The following OTUD7A variants were observed in gnomAD, a reference collection of about 807,000 sequenced individuals.
OTUD7A encodes OTU domain-containing protein 7A.
A neutral mutation model predicts 65.7 loss-of-function variants in OTUD7A; 12 were observed. That is an observed-to-expected ratio of 0.18 (90% CI 0.12 to 0.30). The LOEUF (loss-of-function observed/expected upper bound fraction) is 0.30. Ranked by LOEUF, OTUD7A falls within the 10% of genes least tolerant of loss-of-function variation. The pLI is 1.00. For missense variants in OTUD7A, 1,148 were observed against 1,304.8 expected (o/e 0.88, Z 1.85); for synonymous variants, 641 against 586.3 (o/e 1.09, Z -1.35).
chr15:31,853,305 C>T (rs1897477744), intron 1 of OTUD7A, among the ~76,000 whole-genome samples: 1 of 152,176 alleles, frequency 6.6e-6, no homozygotes, highest in African/African-American at 2.4e-5. Flanking sequence ...TTCTCAGCTT[C>T]GAGCAAACAA....
chr15:31,544,718 G>C (rs1888080806), intron 5 of OTUD7A, among the ~76,000 whole-genome samples: 1 of 151,818 alleles, frequency 6.6e-6, no homozygotes, highest in Non-Finnish European at 1.5e-5. Flanking sequence ...AACACACCCT[G>C]TTCAATAGCT....
At chr15:31,763,369 G>C (rs1895021488) in intron 1 of OTUD7A, among the ~76,000 whole-genome samples, 1 of 152,134 alleles carries the variant, frequency 6.6e-6, no homozygotes, top group Admixed American at 6.5e-5. Flanking sequence ...GGAAATTTTA[G>C]AGATGAAAAA....
chr15:31,823,136 C>T (rs1012308169), intron 1 of OTUD7A, among the ~76,000 whole-genome samples: 3 of 152,156 alleles, frequency 2.0e-5, no homozygotes, highest in African/African-American at 7.2e-5. Flanking sequence ...AGCTCTGCTC[C>T]TCGATGTCTC....
intron 3 of OTUD7A, among the ~76,000 whole-genome samples, chr15:31,646,498 T>C (rs1336815080): frequency 6.6e-6 from 1 of 151,424 alleles, no homozygotes; most frequent in Non-Finnish European, 1.5e-5. Flanking sequence ...TCTCACTCTG[T>C]TGCCCAGGCT....
intron 1 of OTUD7A, among the ~76,000 whole-genome samples, chr15:31,673,197 G>A (rs1892523605): frequency 1.3e-5 from 2 of 152,160 alleles, no homozygotes; most frequent in Admixed American, 1.3e-4. Context: ...ACTTATGATG[G>A]GGTAACCTCC....
chr15:31,480,805 AGTG>A lies in OTUD7A; in HGVS notation c.*2486_*2488del, dbSNP rs1473059890. ...GGCTATTCCTAAGTCATGTGGACTG[AGTG>A]GTAATGTATCAGCCTGGAGCAGGTG... On this transcript the variant is annotated 3_prime_UTR_variant, in exon 13 of 13. Coordinates refer to ENST00000307050, the MANE Select transcript of OTUD7A (RefSeq NM_001382637.1). The A allele has an allele frequency of 6.6e-6, 1 of 152,252 alleles. No individual in the cohort carries two copies. Among genetic ancestry groups the A allele is most frequent in the African/African-American group, 2.4e-5 (1 of 41,462 alleles). 9.4% of individuals were successfully genotyped at this position (152,252 alleles called of 1,614,324 possible).
chr15:31,860,718 T>TA (rs1216011574), intron 1 of OTUD7A, among the ~76,000 whole-genome samples: 2 of 141,270 alleles, frequency 1.4e-5, no homozygotes, highest in South Asian at 2.3e-4. Context: ...TATATATATA[T>TA]TTTTTGGGAC....
At chr15:31,540,565 A>G (rs1887955637) in intron 5 of OTUD7A, among the ~76,000 whole-genome samples, 2 of 152,210 alleles carry the variant, frequency 1.3e-5, no homozygotes, top group Non-Finnish European at 2.9e-5. Flanking sequence ...CAATTCTTAA[A>G]AATGGAGATA....
At chr15:31,652,434 A>C (rs185429788) in intron 3 of OTUD7A, among the ~76,000 whole-genome samples, 2 of 152,326 alleles carry the variant, frequency 1.3e-5, no homozygotes, top group African/African-American at 4.8e-5. Context: ...GAGTTATGCA[A>C]AATTTCTCAG....
intron 1 of OTUD7A, among the ~76,000 whole-genome samples, chr15:31,673,573 T>C (rs1892532320): frequency 6.6e-6 from 1 of 152,062 alleles, no homozygotes; most frequent in Non-Finnish European, 1.5e-5. Context: ...TTTATGTTTT[T>C]ATTCTTCAGG....
At chr15:31,574,586 A>G (rs904923367) in intron 3 of OTUD7A, among the ~76,000 whole-genome samples, 2 of 152,230 alleles carry the variant, frequency 1.3e-5, no homozygotes, top group African/African-American at 4.8e-5. Flanking sequence ...ATTCAGGCCA[A>G]AAAGCATTAA....
At chr15:31,760,226 G>A (rs1432995754) in intron 1 of OTUD7A, among the ~76,000 whole-genome samples, 1 of 152,076 alleles carries the variant, frequency 6.6e-6, no homozygotes, top group Non-Finnish European at 1.5e-5. Flanking sequence ...CCCTTTGGAT[G>A]CTACCCTCCT....
At chr15:31,596,498 T>A (rs1459273399) in intron 3 of OTUD7A, among the ~76,000 whole-genome samples, 1 of 152,256 alleles carries the variant, frequency 6.6e-6, no homozygotes, top group East Asian at 1.9e-4. Flanking sequence ...TTAGTTAATA[T>A]CCAAGAGTAG....
At chr15:31,815,644 C>T (rs915232637) in intron 1 of OTUD7A, among the ~76,000 whole-genome samples, 8 of 152,156 alleles carry the variant, frequency 5.3e-5, no homozygotes, top group African/African-American at 9.7e-5. Context: ...GGGTCCATTC[C>T]GGAAACAGGG....
chr15:31,598,161 A>T (rs887030507), intron 3 of OTUD7A, among the ~76,000 whole-genome samples: 1 of 152,282 alleles, frequency 6.6e-6, no homozygotes, highest in South Asian at 2.1e-4. Flanking sequence ...CCTATTTGAC[A>T]TGTGGGCACG....
At chr15:31,497,194 G>T (rs2041398895) in intron 10 of OTUD7A, among the ~76,000 whole-genome samples, 1 of 152,124 alleles carries the variant, frequency 6.6e-6, no homozygotes. Flanking sequence ...TGCCTCAGAG[G>T]CTCACAGGCT....
intron 1 of OTUD7A, among the ~76,000 whole-genome samples, chr15:31,842,337 C>T (rs1897203356): frequency 6.6e-6 from 1 of 152,200 alleles, no homozygotes; most frequent in African/African-American, 2.4e-5. Context: ...AAACTTCTGA[C>T]GTGGCCTTTG....
chr15:31,780,468 G>A (rs1213241486), intron 1 of OTUD7A, among the ~76,000 whole-genome samples: 3 of 152,152 alleles, frequency 2.0e-5, no homozygotes, highest in African/African-American at 7.2e-5. Flanking sequence ...TCAATACTTA[G>A]AAGCGCTGGC....
At chr15:31,849,097 C>A (rs1308272945) in intron 1 of OTUD7A, among the ~76,000 whole-genome samples, 15 of 152,192 alleles carry the variant, frequency 9.9e-5, no homozygotes, top group Admixed American at 9.8e-4. Context: ...GTCTGATGGG[C>A]TTCCCTTTGT....
Sources: allele counts gnomAD v4.1 joint callset (sites outside exome capture counted in the v4.1 genomes callset), GRCh38; gene constraint gnomAD v4.1.1; transcripts MANE v1.5; gene names NCBI Gene and HGNC (gene_info 2026-07-23, HGNC 2026-07-21).